The following SIPA1L1 variants were observed in gnomAD, a reference collection of about 807,000 sequenced individuals.
SIPA1L1 encodes the protein signal induced proliferation associated 1 like 1, also known as signal-induced proliferation-associated 1-like protein 1.
In SIPA1L1, 26 loss-of-function variants were observed where a neutral mutation model predicts 162.7. The ratio of observed to expected loss-of-function variants is 0.16; its 90% CI spans 0.12 to 0.22. The LOEUF (loss-of-function observed/expected upper bound fraction) is 0.22. Among genes scored for constraint, SIPA1L1 ranks in the 10% least tolerant of loss-of-function variants. SIPA1L1 has a pLI of 1.00. For synonymous variants in SIPA1L1, 829 were observed against 837.4 expected, an observed-to-expected ratio of 0.99 and a Z score of 0.17; for missense variants, 1,874 against 2,241.0, an observed-to-expected ratio of 0.84 and a Z score of 3.31.
intron 7 of SIPA1L1, among the ~76,000 whole-genome samples, chr14:71,627,573 T>A (rs1445541123): frequency 6.6e-6 from 1 of 152,166 alleles, no homozygotes; most frequent in South Asian, 2.1e-4. Context: ...GTGTTCTTAC[T>A]GTCAGGCACC....
chr14:71,642,981 A>G (rs2041859679), intron 7 of SIPA1L1, among the ~76,000 whole-genome samples: 1 of 151,624 alleles, frequency 6.6e-6, no homozygotes, highest in Admixed American at 6.6e-5. Context: ...AAAAAAAAAC[A>G]AAAAACCCAA....
chr14:71,635,018 C>G (rs1396427879), intron 7 of SIPA1L1, among the ~76,000 whole-genome samples: 1 of 151,962 alleles, frequency 6.6e-6, no homozygotes, highest in Non-Finnish European at 1.5e-5. Context: ...TGGCTCACAC[C>G]TGTAATCCCA....
intron 2 of SIPA1L1, among the ~76,000 whole-genome samples, chr14:71,370,374 G>A (rs528104402): frequency 6.6e-6 from 1 of 152,026 alleles, no homozygotes; most frequent in Non-Finnish European, 1.5e-5. Flanking sequence ...TAGCATGAAG[G>A]GTTGTTGAAT....
chr14:71,589,384 C>T lies in SIPA1L1; in HGVS notation c.1498+14C>T. On this transcript the variant is annotated intron_variant, in intron 5 of 23. Transcript: ENST00000381232. ...TCTACCAGAAGGGTAAGTAGAGATCCTTTATTTCTTACATTTTCTTTTGCA... is the reference window on the plus strand; with the variant it reads ...TCTACCAGAAGGGTAAGTAGAGATCTTTTATTTCTTACATTTTCTTTTGCA... The T allele has an allele frequency of 1.3e-6, 2 of 1,525,890 alleles. No homozygotes were observed. Among genetic ancestry groups the T allele is most frequent in the Non-Finnish European group, 1.8e-6 (2 of 1,112,902 alleles). 94.5% of individuals were successfully genotyped at this position (1,525,890 alleles called of 1,614,324 possible).
intron 4 of SIPA1L1, among the ~76,000 whole-genome samples, chr14:71,540,307 C>G (rs1480988775): frequency 2.0e-5 from 3 of 152,140 alleles, no homozygotes; most frequent in Non-Finnish European, 4.4e-5. Flanking sequence ...CCTTCATTTC[C>G]AGTGCATACT....
At chr14:71,341,349 C>A (rs766381722) in intron 2 of SIPA1L1, among the ~76,000 whole-genome samples, 2 of 152,188 alleles carry the variant, frequency 1.3e-5, no homozygotes, top group Non-Finnish European at 2.9e-5. Flanking sequence ...TCTTTTTCAT[C>A]TTGCAGCATG....
chr14:71,649,189 ATTTTTTTT>A (rs576399247), intron 7 of SIPA1L1, among the ~76,000 whole-genome samples: 17 of 131,152 alleles, frequency 1.3e-4, no homozygotes, highest in African/African-American at 2.0e-4. Flanking sequence ...TCAAAGTCCA[ATTTTTTTT>A]TTTTTTTTTT....
chr14:71,430,812 C>T (rs1376972506), intron 2 of SIPA1L1, among the ~76,000 whole-genome samples: 1 of 152,180 alleles, frequency 6.6e-6, no homozygotes, highest in Non-Finnish European at 1.5e-5. Context: ...CCTGTCAAGT[C>T]ACCTTGCCCT....
chr14:71,565,654 T>C (rs913823986), intron 4 of SIPA1L1, among the ~76,000 whole-genome samples: 2 of 152,182 alleles, frequency 1.3e-5, no homozygotes, highest in African/African-American at 4.8e-5. Flanking sequence ...TAAATAAATA[T>C]CCACATATGG....
At chr14:71,569,372 A>T (rs144160979) in intron 4 of SIPA1L1, among the ~76,000 whole-genome samples, 83 of 152,326 alleles carry the variant, frequency 5.4e-4, no homozygotes, top group African/African-American at 1.9e-3. Context: ...AAGGGGTGGA[A>T]TTAGTTTTAA....
chr14:71,415,599 A>C (rs1381080491), intron 2 of SIPA1L1, among the ~76,000 whole-genome samples: 3 of 152,158 alleles, frequency 2.0e-5, no homozygotes, highest in Non-Finnish European at 4.4e-5. Context: ...TTTTTACCTC[A>C]ATCTTGGAAG....
At chr14:71,590,013 T>G in intron 5 of SIPA1L1, among the ~76,000 whole-genome samples, 5 of 109,862 alleles carry the variant, frequency 4.6e-5, no homozygotes, top group Admixed American at 1.1e-4. Context: ...TTTCTTTGAG[T>G]GGGAGAGTAA....
chr14:71,412,347 A>G lies in SIPA1L1; in HGVS notation c.-465+91166A>G, dbSNP rs146318464. Among the ~76,000 whole-genome samples, 58 of 152,346 alleles carry G rather than the reference A, an allele frequency of 3.8e-4. 1 individual carries two copies. The East Asian group carries it at 0.01, about 27-fold the overall frequency. The stretch of plus-strand genomic sequence containing the variant: ...TCATCAGCTATCGTTAGTGTATTTT[A>G]TGTGTGGCTTAAGACAATTCTTCTT... On this transcript the variant is annotated intron_variant, in intron 2 of 23. Transcript: ENST00000381232.
At chr14:71,730,592 GC>G (rs1191515495) in intron 20 of SIPA1L1, among the ~76,000 whole-genome samples, 1 of 152,218 alleles carries the variant, frequency 6.6e-6, no homozygotes, top group Non-Finnish European at 1.5e-5. Context: ...CATGCCAGCT[GC>G]TGTTATGATT....
intron 2 of SIPA1L1, among the ~76,000 whole-genome samples, chr14:71,469,798 G>A (rs963410129): frequency 3.9e-5 from 6 of 152,200 alleles, no homozygotes; most frequent in Non-Finnish European, 7.3e-5. Flanking sequence ...TGCTTTTCAA[G>A]TGCTTATTAG....
intron 3 of SIPA1L1, among the ~76,000 whole-genome samples, chr14:71,517,825 T>C (rs751863658): frequency 1.3e-5 from 2 of 152,216 alleles, no homozygotes; most frequent in Non-Finnish European, 2.9e-5. Flanking sequence ...GTAACTTTTA[T>C]ATATTTTTCT....
chr14:71,343,193 A>G (rs375685613), intron 2 of SIPA1L1, among the ~76,000 whole-genome samples: 2 of 152,230 alleles, frequency 1.3e-5, no homozygotes, highest in South Asian at 2.1e-4. Flanking sequence ...ATAATGTCCT[A>G]TAACCACAAT....
intron 4 of SIPA1L1, among the ~76,000 whole-genome samples, chr14:71,554,520 C>T (rs1280850218): frequency 6.6e-6 from 1 of 152,216 alleles, no homozygotes; most frequent in South Asian, 2.1e-4. Context: ...ACTGTGAAAC[C>T]GAAGATGTTC....
At position 71,587,936 on chromosome 14, in the gene SIPA1L1, G is replaced by C; in HGVS notation, c.64G>C (p.Gly22Arg). The C allele has an allele frequency of 6.2e-7, 1 of 1,613,896 alleles. No homozygotes were observed. The highest frequency in any genetic ancestry group is 1.1e-5 in the South Asian group (1 of 91,068). ...PLATDRASVV[G>R]TDGTPKVHTD... is the part of the protein sequence containing the mutation. ...TGCCACTGACAGGGCCTCTGTTGTTGGCACAGACGGCACCCCCAAAGTCCA... is the reference window on the plus strand; with the variant it reads ...TGCCACTGACAGGGCCTCTGTTGTTCGCACAGACGGCACCCCCAAAGTCCA... Residue 22 changes from glycine to arginine, a missense_variant, in exon 5 of 24, where the codon GGC becomes CGC. Physicochemically the swap from Gly to Arg is moderately radical, Grantham distance 125. Around this residue, in one of 5 missense-constraint regions of SIPA1L1, gnomAD observed 685 missense variants for 828.0 expected, o/e 0.83. Coordinates refer to ENST00000381232, the MANE Select transcript of SIPA1L1 (RefSeq NM_001386936.1).
Sources: allele counts gnomAD v4.1 joint callset (sites outside exome capture counted in the v4.1 genomes callset), GRCh38; gene constraint gnomAD v4.1.1; regional missense constraint gnomAD v4.1.1; transcripts MANE v1.5; gene names NCBI Gene and HGNC (gene_info 2026-07-23, HGNC 2026-07-21).